Variants in COL24A1 observed in about 807,000 individuals in gnomAD.
COL24A1 encodes collagen alpha-1(XXIV) chain.
Under a neutral mutation model 253.9 loss-of-function variants are expected in COL24A1, and 224 were observed. The ratio of observed to expected loss-of-function variants is 0.88; its 90% CI spans 0.79 to 0.99. COL24A1 has a LOEUF of 0.99. Among genes scored for constraint, COL24A1 ranks in the 50% least tolerant of loss-of-function variants. The pLI, the probability that COL24A1 is intolerant of heterozygous loss-of-function variation, is 0.00. For synonymous variants in COL24A1, 685 were observed against 673.7 expected (o/e 1.02, Z -0.26); for missense variants, 2,131 against 2,068.5 (o/e 1.03, Z -0.59).
chr1:85,917,199 A>G (rs1361442864), intron 24 of COL24A1, among the ~76,000 whole-genome samples: 1 of 152,224 alleles, frequency 6.6e-6, no homozygotes, highest in East Asian at 1.9e-4. Context: ...AGGATACATC[A>G]TTATGTGTTT....
chr1:85,787,324 A>G (rs1165858698), intron 47 of COL24A1, among the ~76,000 whole-genome samples: 1 of 152,050 alleles, frequency 6.6e-6, no homozygotes, highest in Non-Finnish European at 1.5e-5. Context: ...TATTAAGTCC[A>G]GCATGCATTA....
chr1:85,990,050 T>C (rs1248848195), intron 19 of COL24A1, among the ~76,000 whole-genome samples: 4 of 152,214 alleles, frequency 2.6e-5, no homozygotes, highest in Non-Finnish European at 5.9e-5. Context: ...GTACAATGCC[T>C]GATACACAGT....
At chr1:85,740,686 C>G (rs1277958000) in intron 57 of COL24A1, among the ~76,000 whole-genome samples, 1 of 151,592 alleles carries the variant, frequency 6.6e-6, no homozygotes, top group South Asian at 2.1e-4. Context: ...TCAAACTGAT[C>G]CGAAAAAAAT....
intron 20 of COL24A1, among the ~76,000 whole-genome samples, chr1:85,978,404 T>C (rs1692907236): frequency 6.6e-6 from 1 of 151,918 alleles, no homozygotes; most frequent in African/African-American, 2.4e-5. Context: ...TGAATGTAAA[T>C]AGCCTAAATG....
chr1:85,912,160 C>T (rs562935304), intron 24 of COL24A1, among the ~76,000 whole-genome samples: 10 of 151,888 alleles, frequency 6.6e-5, no homozygotes, highest in Non-Finnish European at 1.3e-4. Flanking sequence ...GGCCAGCCAG[C>T]CAAAGAAGGG....
chr1:85,780,052 A>T (rs1247774461), intron 52 of COL24A1, among the ~76,000 whole-genome samples: 1 of 152,202 alleles, frequency 6.6e-6, no homozygotes, highest in Non-Finnish European at 1.5e-5. Flanking sequence ...CTGTAATCAG[A>T]ACAGTATGTG....
chr1:86,141,686 T>C (rs1390791740), intron 2 of COL24A1, among the ~76,000 whole-genome samples: 2 of 152,034 alleles, frequency 1.3e-5, no homozygotes, highest in East Asian at 1.9e-4. Flanking sequence ...TTGTTAAGCA[T>C]ATTTTTAGTG....
chr1:85,796,542 T>C (rs1292389258), intron 47 of COL24A1, among the ~76,000 whole-genome samples: 1 of 152,160 alleles, frequency 6.6e-6, no homozygotes, highest in African/African-American at 2.4e-5. Context: ...ACTCATACTA[T>C]CTTATTTGAT....
Position 86,089,190 on chromosome 1 carries a change from C to G in COL24A1, c.1691G>C (p.Gly564Ala). Residue 564 changes from glycine to alanine, a missense_variant, in exon 7 of 60, where the codon GGT becomes GCT. Transcript: ENST00000370571. The part of the protein sequence containing the change: ...QGLSGLMGPP[G>A]MQGDKGLKGH... ...CCAACTTACCTTATCACCTTGCATA[C>G]CAGGGGGGCCCATTAATCCAGAAAG... 1.3e-6 allele frequency: 2 copies of G among 1,583,874 alleles called. No individual in the cohort carries two copies. The highest frequency in any genetic ancestry group is 1.7e-6 in the Non-Finnish European group (2 of 1,172,002).
At chr1:86,040,149 C>T (rs976166672) in intron 12 of COL24A1, among the ~76,000 whole-genome samples, 1 of 152,090 alleles carries the variant, frequency 6.6e-6, no homozygotes, top group African/African-American at 2.4e-5. Context: ...ATGTGGTATA[C>T]AACATCATGT....
chr1:85,732,607 TTTTA>T (rs1278486433), intron 59 of COL24A1, among the ~76,000 whole-genome samples: 2 of 152,234 alleles, frequency 1.3e-5, no homozygotes, highest in East Asian at 1.9e-4. Context: ...TTACTTTAAT[TTTTA>T]TTTATTTTTT....
At chr1:86,095,609 A>G (rs552042436) in intron 5 of COL24A1, among the ~76,000 whole-genome samples, 71 of 152,182 alleles carry the variant, frequency 4.7e-4, no homozygotes, top group African/African-American at 1.4e-3. Flanking sequence ...TTTTGTATCA[A>G]CTGTTGGACT....
intron 2 of COL24A1, among the ~76,000 whole-genome samples, chr1:86,136,861 A>G (rs6669512): frequency 0.14 from 20,640 of 152,120 alleles, 1,567 homozygotes; most frequent in East Asian, 0.29. Context: ...TTGTCATCCT[A>G]ATTTTAAGCT....
intron 35 of COL24A1, among the ~76,000 whole-genome samples, chr1:85,871,278 G>A (rs1056756389): frequency 1.3e-5 from 2 of 152,152 alleles, no homozygotes; most frequent in East Asian, 1.9e-4. Context: ...GCAAGGAGGA[G>A]CTGGTACCAT....
At chr1:85,869,223 T>C (rs1680135634) in intron 35 of COL24A1, among the ~76,000 whole-genome samples, 1 of 152,112 alleles carries the variant, frequency 6.6e-6, no homozygotes, top group Non-Finnish European at 1.5e-5. Flanking sequence ...TTTACATGGG[T>C]TAATAAAACT....
chr1:86,063,650 C>A (rs769583855), intron 8 of COL24A1, 65 bp downstream of exon 8: 208 of 1,194,404 alleles, frequency 1.7e-4, no homozygotes, highest in Non-Finnish European at 2.3e-4. Flanking sequence ...AATAATCTCT[C>A]AAAGGAGTTC....
chr1:86,021,861 C>A (rs1483771689), intron 18 of COL24A1, among the ~76,000 whole-genome samples: 1 of 152,036 alleles, frequency 6.6e-6, no homozygotes, highest in Non-Finnish European at 1.5e-5. Context: ...TGCAAACATG[C>A]TACCTTTTCT....
In COL24A1 at chr1:85,953,440, T is replaced by G. The variant is rs75294011; in HGVS notation, c.2562+7809A>C. ...TTTTACTTCTTTTTCTTAGAGTATC[T>G]TATGAAAGAGGACTAATGTTTTGGC... On this transcript the variant is annotated intron_variant, in intron 24 of 59. Coordinates refer to ENST00000370571, the MANE Select transcript of COL24A1 (RefSeq NM_152890.7). 4.7e-3 allele frequency among the ~76,000 whole-genome samples: 716 copies of G among 152,330 alleles called. 17 individuals are homozygous for G. The East Asian group carries it at 0.055, about 12-fold the overall frequency.
At chr1:85,905,595 A>T (rs940628088) in intron 28 of COL24A1, among the ~76,000 whole-genome samples, 4 of 152,026 alleles carry the variant, frequency 2.6e-5, no homozygotes, top group Admixed American at 1.3e-4. Context: ...CTGGGTAAAA[A>T]TTTTAAAAAT....
Sources: allele counts gnomAD v4.1 joint callset (sites outside exome capture counted in the v4.1 genomes callset), GRCh38; gene constraint gnomAD v4.1.1; transcripts MANE v1.5; gene names NCBI Gene and HGNC (gene_info 2026-07-23, HGNC 2026-07-21).